The following DCST2 variants were observed in gnomAD, a reference collection of about 807,000 sequenced individuals.
The protein encoded by DCST2 is DC-STAMP domain-containing protein 2.
A neutral mutation model predicts 81.8 loss-of-function variants in DCST2; 64 were observed. The observed-to-expected ratio is 0.78, with a 90% CI of 0.64 to 0.96. The LOEUF (loss-of-function observed/expected upper bound fraction) is 0.96. Ranked by LOEUF, DCST2 falls within the 40% of genes least tolerant of loss-of-function variation. The pLI is 0.00. For missense variants in DCST2, 945 were observed against 1,001.4 expected, an observed-to-expected ratio of 0.94 and a Z score of 0.76; for synonymous variants, 354 against 402.6, an observed-to-expected ratio of 0.88 and a Z score of 1.44.
Position 155,029,390 on chromosome 1 carries a change from G to A in DCST2, c.1185C>T (p.Ile395=), listed in dbSNP as rs760448197. ...EARRYIPPGS[I]FLSQWEKFFY... ...AAAACTTCTCCCATTGGGACAAGAA[G>A]ATGGAGCCTGAGCAGGAGTGGGATG... Residue 395 remains isoleucine (I), a synonymous_variant, in exon 8 of 15, where the codon ATC becomes ATT. Coordinates refer to ENST00000368424, the MANE Select transcript of DCST2 (RefSeq NM_144622.3). 9.9e-6 allele frequency: 16 copies of A among 1,613,770 alleles called. No individual in the cohort carries two copies. Among genetic ancestry groups the A allele is most frequent in the African/African-American group, 1.3e-5 (1 of 74,912 alleles).
intron 8 of DCST2, among the ~76,000 whole-genome samples, chr1:155,028,406 T>C (rs1188175050): frequency 1.3e-5 from 2 of 151,912 alleles, no homozygotes; most frequent in African/African-American, 4.8e-5. Flanking sequence ...GCCTGAGCAA[T>C]ATGGTTAAAC....
intron 5 of DCST2, chr1:155,030,890 T>C: frequency 1.6e-6 from 1 of 606,402 alleles, no homozygotes; most frequent in Non-Finnish European, 2.9e-6. Flanking sequence ...AGGAATGATC[T>C]TGATGACCTG....
rs900841532 is a variant in DCST2 at position 155,027,198 on chromosome 1, ATTTTTTTT to A, written c.1343-491_1343-484del. On this transcript the variant is annotated intron_variant, in intron 8 of 14. Transcript: ENST00000368424. Reference sequence around the variant, plus strand: ...TAGGCACGTGCCACCACGACCGGCTATTTTTTTTTTTTTTTTTTTTTTGTAAAGAGATA... The same window carrying A: ...TAGGCACGTGCCACCACGACCGGCTATTTTTTTTTTTTTTGTAAAGAGATA... 2.1e-4 allele frequency among the ~76,000 whole-genome samples: 20 copies of A among 94,210 alleles called. No individual in the cohort carries two copies. The Admixed American group carries it at 2.2e-3, about 10-fold the overall frequency. The allele number at this position is 94,210 out of a possible 152,430, so 61.8% of individuals were successfully genotyped here. A position where few individuals can be genotyped will look rare whatever the true frequency, so the allele number is the denominator to read the frequency against.
intron 4 of DCST2, 138 bp downstream of exon 4, chr1:155,031,436 G>A: frequency 1.1e-6 from 1 of 871,248 alleles, no homozygotes; most frequent in South Asian, 1.6e-5. Flanking sequence ...CCCAATACTG[G>A]TCCTACCAAG....
rs779621299 is a variant in DCST2, at chr1:155,027,554, CTTTTTTTT to C, written c.1343-847_1343-840del. Among the ~76,000 whole-genome samples the C allele has an allele frequency of 3.6e-4, 23 of 64,018 alleles. No individual in the cohort carries two copies. In the South Asian group the frequency reaches 0.012, roughly 35 times the overall value. The allele number at this position is 64,018 out of a possible 152,430, so 42.0% of individuals were successfully genotyped here. ...TTTGTTTTTTAGGAGTTTTTTACTT[CTTTTTTTT>C]TTTTTTTTTTTTTTTTGAGACAGGG... On this transcript the variant is annotated intron_variant, in intron 8 of 14. Coordinates refer to ENST00000368424, the MANE Select transcript of DCST2 (RefSeq NM_144622.3).
rs771522005 is a variant in DCST2 at position 155,023,417 on chromosome 1, G to C, written c.1911C>G (p.Thr637=). 3.9e-5 allele frequency: 62 copies of C among 1,606,450 alleles called. No individual in the cohort carries two copies. The Admixed American group carries it at 1.0e-3, about 26-fold the overall frequency. ...CLTCFRLLDN[T]CSVCASPLSY... is the part of the protein sequence containing the mutation. ...AGAGGGGAGATGCACACACGGAGCA[G>C]GTATTGTCCAGGAGGCGGAAGCAAG... Residue 637 remains threonine (T), a synonymous_variant, in exon 13 of 15, where the codon ACC becomes ACG. Transcript: ENST00000368424.
At chr1:155,031,533 C>CCAA in intron 4 of DCST2, 41 bp downstream of exon 4, 25 of 1,557,306 alleles carry the variant, frequency 1.6e-5, no homozygotes, top group East Asian at 4.5e-5. Context: ...CACCCCACCC[C>CCAA]ACATCGGCTC....
At chr1:155,023,483 G>A in intron 12 of DCST2, 26 bp from the exon 13 acceptor site, 2 of 1,563,428 alleles carry the variant, frequency 1.3e-6, no homozygotes, top group Non-Finnish European at 8.7e-7. Flanking sequence ...GGGAATGGAG[G>A]TGAACCCGAG....
chr1:155,031,224 C>T lies in DCST2; in HGVS notation c.750G>A (p.Val250=), dbSNP rs762894589. Reference sequence around the variant, plus strand: ...GAATGTACTTAGGGATGACGCAGAACACCTGGACCACTGAGGGGCGGAGTC... The same window carrying T: ...GAATGTACTTAGGGATGACGCAGAATACCTGGACCACTGAGGGGCGGAGTC... ...ALCGLASLVQ[V]FCVIPKYIQP... Residue 250 remains valine, a synonymous_variant, in exon 5 of 15, where the codon GTG becomes GTA. Transcript: ENST00000368424. 1.3e-6 allele frequency: 2 copies of T among 1,582,194 alleles called. No individual in the cohort carries two copies. Among genetic ancestry groups the T allele is most frequent in the East Asian group, 2.2e-5 (1 of 44,462 alleles).
At chr1:155,025,631 T>C (rs577886793) in intron 10 of DCST2, among the ~76,000 whole-genome samples, 1 of 152,160 alleles carries the variant, frequency 6.6e-6, no homozygotes, top group Non-Finnish European at 1.5e-5. Context: ...CCAGCCCCGA[T>C]GGTGAGTTTT....
chr1:155,022,906 G>A (rs964099925), intron 14 of DCST2, among the ~76,000 whole-genome samples: 2 of 152,058 alleles, frequency 1.3e-5, no homozygotes, highest in African/African-American at 2.4e-5. Context: ...TTATCTATTC[G>A]ATGTCACTCT....
intron 7 of DCST2, 126 bp downstream of exon 7, chr1:155,029,958 C>A: frequency 7.1e-7 from 1 of 1,404,040 alleles, no homozygotes; most frequent in Non-Finnish European, 9.6e-7. Context: ...TGTGTCTCCT[C>A]CCTCTGGCCC....
intron 8 of DCST2, among the ~76,000 whole-genome samples, chr1:155,027,356 T>C (rs1348769719): frequency 3.8e-5 from 5 of 130,646 alleles, no homozygotes; most frequent in African/African-American, 1.1e-4. Flanking sequence ...GAAACATTTA[T>C]TGGCTGAGCA....
intron 2 of DCST2, 43 bp from the exon 3 acceptor site, chr1:155,032,811 A>G: frequency 6.4e-7 from 1 of 1,559,092 alleles, no homozygotes; most frequent in Admixed American, 1.7e-5. Flanking sequence ...CTTCTCCTCT[A>G]GGGGCTGGTT....
In DCST2 at chr1:155,033,271, G is replaced by A. The variant is rs1192553982; in HGVS notation, c.269-7C>T. The A allele has an allele frequency of 1.9e-6, 3 of 1,605,492 alleles. No homozygotes were observed. The highest frequency in any genetic ancestry group is 1.7e-6 in the Non-Finnish European group (2 of 1,176,740). On this transcript the variant is annotated splice_polypyrimidine_tract_variant and splice_region_variant and intron_variant, in intron 1 of 14. Transcript: ENST00000368424. The stretch of plus-strand genomic sequence containing the variant: ...AGTAGTGTCCGGCCCTGCCCTGGGG[G>A]CGACAGCTTTGTTAGAACCAAGACC...
rs1404235190 is a variant in DCST2 at position 155,030,318 on chromosome 1, C to A, written c.1020-77G>T. 2.5e-6 allele frequency: 4 copies of A among 1,601,174 alleles called. No individual in the cohort carries two copies. The African/African-American group carries it at 5.4e-5, about 21-fold the overall frequency. ...ACCCCACAGGGCATCCGCGCTTCAA[C>A]CCCACAACTTCAACCTCCCTGGATG... On this transcript the variant is annotated intron_variant, in intron 6 of 14. Coordinates refer to ENST00000368424, the MANE Select transcript of DCST2 (RefSeq NM_144622.3).
At position 155,028,868 on chromosome 1, in the gene DCST2, C is replaced by CAAA. The variant is rs71767777; in HGVS notation, c.1342+362_1342+364dup. Among the ~76,000 whole-genome samples the CAAA allele has an allele frequency of 2.7e-3, 269 of 101,206 alleles. 6 individuals carry two copies. The highest frequency in any genetic ancestry group is 7.4e-3 in the East Asian group (28 of 3,768). 66.4% of individuals were successfully genotyped at this position (101,206 alleles called of 152,430 possible). ...CTGGTGACAGAACGAGACTCTGTCT[C>CAAA]AAAAAAAAAAAAAAAAAAAGAGGAA... On this transcript the variant is annotated intron_variant, in intron 8 of 14. Coordinates refer to ENST00000368424, the MANE Select transcript of DCST2 (RefSeq NM_144622.3).
At chr1:155,032,226 C>T (rs570069962) in intron 3 of DCST2, among the ~76,000 whole-genome samples, 1 of 151,916 alleles carries the variant, frequency 6.6e-6, no homozygotes, top group African/African-American at 2.4e-5. Flanking sequence ...ATCTCCTGAC[C>T]TCCTGATCCA....
Position 155,026,619 on chromosome 1 carries a change from T to C in DCST2, c.1439A>G (p.Asn480Ser). 6.2e-7 allele frequency: 1 copy of C among 1,614,244 alleles called. No homozygotes were observed. The highest frequency in any genetic ancestry group is 1.1e-5 in the South Asian group (1 of 91,090). ...ACAACGCCGGGACAAAATACTGATG[T>C]TGCCTTGCTGCAGGACATCAAATGC... The part of the protein sequence containing the change: ...VSAFDVLQQG[N>S]ISILSRRCLL... Residue 480 changes from asparagine to serine, a missense_variant, in exon 9 of 15, where the codon AAC (asparagine) becomes AGC (serine). Physicochemically the swap from Asn to Ser is conservative, Grantham distance 46 (BLOSUM62 1). Coordinates refer to ENST00000368424, the MANE Select transcript of DCST2 (RefSeq NM_144622.3).
Sources: allele counts gnomAD v4.1 joint callset (sites outside exome capture counted in the v4.1 genomes callset), GRCh38; gene constraint gnomAD v4.1.1; transcripts MANE v1.5; gene names NCBI Gene and HGNC (gene_info 2026-07-23, HGNC 2026-07-21).